The following MSI2 variants were observed in gnomAD, a reference collection of about 807,000 sequenced individuals.
MSI2 encodes musashi RNA binding protein 2, also known as RNA-binding protein Musashi homolog 2.
MSI2 carries 17 observed loss-of-function variants against 45.6 expected under a neutral mutation model. The observed-to-expected ratio is 0.37, with a 90% CI of 0.26 to 0.56. The LOEUF is 0.56. Among genes scored for constraint, MSI2 ranks in the 20% least tolerant of loss-of-function variants. The probability of loss-of-function intolerance (pLI) is 0.77; values close to 1 mark genes in which losing one functional copy is unlikely to be tolerated. For missense variants in MSI2, 293 were observed against 444.2 expected (o/e 0.66, Z 3.06); for synonymous variants, 156 against 158.2 (o/e 0.99, Z 0.11).
At chr17:57,651,041 T>C (rs915410224) in intron 10 of MSI2, among the ~76,000 whole-genome samples, 1 of 152,200 alleles carries the variant, frequency 6.6e-6, no homozygotes, top group Non-Finnish European at 1.5e-5. Context: ...TCCAAGCATC[T>C]GCCTGGATGG....
At position 57,334,310 on chromosome 17, in the gene MSI2, C is replaced by T. The variant is rs567445806; in HGVS notation, c.313-67069C>T. 3.3e-5 allele frequency among the ~76,000 whole-genome samples: 5 copies of T among 152,220 alleles called. No individual in the cohort carries two copies. The East Asian group carries it at 9.6e-4, about 29-fold the overall frequency. ...TGAGGGTTGGATGAAATGAAATAGC[C>T]CTTCAGGGTCCTCTGCCATCTGGGT... On this transcript the variant is annotated intron_variant, in intron 5 of 13. Transcript: ENST00000284073.
At position 57,410,007 on chromosome 17, in the gene MSI2, C is replaced by CAAAAAAAAAAAAAAAAAAAA. The variant is rs1960012378; in HGVS notation, c.405+8536_405+8537insAAAAAAAAAAAAAAAAAAAA. ...CGGGTGACAGTGTGAGACTCTGTCT[C>CAAAAAAAAAAAAAAAAAAAA]CAAAAAAAAAAAAAAAAATGGGGAG... On this transcript the variant is annotated intron_variant, in intron 6 of 13. Transcript: ENST00000284073. 4.2e-3 allele frequency among the ~76,000 whole-genome samples: 10 copies of CAAAAAAAAAAAAAAAAAAAA among 2,366 alleles called. 1 individual carries two copies. The highest frequency in any genetic ancestry group is 7.3e-3 in the African/African-American group (9 of 1,238). 1.6% of individuals were successfully genotyped at this position (2,366 alleles called of 152,430 possible).
chr17:57,418,901 G>A (rs980827009), intron 6 of MSI2, among the ~76,000 whole-genome samples: 4 of 152,108 alleles, frequency 2.6e-5, no homozygotes, highest in Admixed American at 1.3e-4. Context: ...TTAACACTTG[G>A]AAATTTTTAT....
At chr17:57,382,304 A>T (rs1198246398) in intron 5 of MSI2, among the ~76,000 whole-genome samples, 1 of 152,202 alleles carries the variant, frequency 6.6e-6, no homozygotes, top group Non-Finnish European at 1.5e-5. Context: ...GTGCTAGAAG[A>T]TGAGAGGCTG....
intron 6 of MSI2, among the ~76,000 whole-genome samples, chr17:57,517,089 C>T (rs1269466707): frequency 1.3e-5 from 2 of 152,306 alleles, no homozygotes; most frequent in Non-Finnish European, 2.9e-5. Flanking sequence ...AAGACAGTTT[C>T]GGAATTCAAA....
intron 6 of MSI2, among the ~76,000 whole-genome samples, chr17:57,477,609 A>G (rs962584528): frequency 6.6e-6 from 1 of 152,194 alleles, no homozygotes; most frequent in Admixed American, 6.5e-5. Flanking sequence ...TACAAAGCCT[A>G]CTGAGTGCTC....
rs1041399535 is a variant in MSI2 at position 57,529,262 on chromosome 17, C to A, written c.406-414C>A. Reference sequence around the variant, plus strand: ...ACCAGTCTGAGCAACATAGTGGGACCCTGTCTCTAAAAAAATAAAATAAAA... The same window carrying A: ...ACCAGTCTGAGCAACATAGTGGGACACTGTCTCTAAAAAAATAAAATAAAA... On this transcript the variant is annotated intron_variant, in intron 6 of 13. Coordinates refer to ENST00000284073, the MANE Select transcript of MSI2 (RefSeq NM_138962.4). This position sits in a 1 kb window ranked among gnomAD's most constrained non-coding sequence, Gnocchi z 5.3. Among the ~76,000 whole-genome samples, 1 of 151,944 alleles carries A rather than the reference C, an allele frequency of 6.6e-6. No individual in the cohort carries two copies. The highest frequency in any genetic ancestry group is 2.4e-5 in the African/African-American group (1 of 41,322).
rs539469971 is a variant in MSI2 at position 57,455,738 on chromosome 17, C to T, written c.405+54267C>T. Reference sequence around the variant, plus strand: ...ACTGTAGTTTTGAATTGTTGGCCTCCTGTCTGCATGCTCAGAGAAGCAGGG... The same window carrying T: ...ACTGTAGTTTTGAATTGTTGGCCTCTTGTCTGCATGCTCAGAGAAGCAGGG... On this transcript the variant is annotated intron_variant, in intron 6 of 13. Transcript: ENST00000284073. Among the ~76,000 whole-genome samples, 10 of 152,304 alleles carry T rather than the reference C, an allele frequency of 6.6e-5. No individual in the cohort carries two copies. The East Asian group carries it at 1.9e-3, about 29-fold the overall frequency.
rs144746119 is a variant in MSI2 at position 57,405,751 on chromosome 17, G to A, written c.405+4280G>A. ...CAGCTAGATGTAATTAATGACACTC[G>A]GAATTTTTGAGGTCCAGGTTTTACT... On this transcript the variant is annotated intron_variant, in intron 6 of 13. Transcript: ENST00000284073. Among the ~76,000 whole-genome samples the A allele has an allele frequency of 5.0e-3, 761 of 152,282 alleles. 6 individuals carry two copies. The highest frequency in any genetic ancestry group is 0.017 in the African/African-American group (716 of 41,554).
At chr17:57,303,333 A>T (rs755393805) in intron 5 of MSI2, among the ~76,000 whole-genome samples, 1 of 152,244 alleles carries the variant, frequency 6.6e-6, no homozygotes, top group Non-Finnish European at 1.5e-5. Context: ...ACAGCTCGAC[A>T]TATGCTGGGT....
chr17:57,330,838 G>A (rs1412245323), intron 5 of MSI2, among the ~76,000 whole-genome samples: 3 of 152,092 alleles, frequency 2.0e-5, no homozygotes, highest in African/African-American at 7.2e-5. Context: ...CCTTGAACAA[G>A]ACTTCAGTTT....
chr17:57,580,205 A>G (rs944781075), intron 7 of MSI2, among the ~76,000 whole-genome samples: 1 of 152,204 alleles, frequency 6.6e-6, no homozygotes, highest in Non-Finnish European at 1.5e-5. Flanking sequence ...TAGCAGGGTG[A>G]ACCCATTTAT....
At chr17:57,447,396 G>A (rs762213551) in intron 6 of MSI2, among the ~76,000 whole-genome samples, 19 of 152,222 alleles carry the variant, frequency 1.2e-4, no homozygotes, top group Non-Finnish European at 2.1e-4. Context: ...AAGCCACTGT[G>A]CCCAGCTTAA....
chr17:57,477,203 G>GTGTGT (rs2085558422), intron 6 of MSI2, among the ~76,000 whole-genome samples: 1 of 95,156 alleles, frequency 1.1e-5, no homozygotes. Context: ...TGTGTGTGTC[G>GTGTGT]GAGGGTGAGG....
In MSI2 at chr17:57,298,466, G is replaced by A. The variant is rs145125017; in HGVS notation, c.312+36274G>A. Reference sequence around the variant, plus strand: ...TGCACCTGTAATCCCAGCACTTTGCGAGGCCAAGGTGGGAGTTTGAGACCA... The same window carrying A: ...TGCACCTGTAATCCCAGCACTTTGCAAGGCCAAGGTGGGAGTTTGAGACCA... On this transcript the variant is annotated intron_variant, in intron 5 of 13. Transcript: ENST00000284073. Among the ~76,000 whole-genome samples the A allele has an allele frequency of 6.0e-3, 909 of 152,244 alleles. 9 individuals carry two copies. The highest frequency in any genetic ancestry group is 9.1e-3 in the Non-Finnish European group (617 of 68,018).
At chr17:57,654,105 G>A (rs17762121) in intron 11 of MSI2, among the ~76,000 whole-genome samples, 23,469 of 152,172 alleles carry the variant, frequency 0.15, 2,044 homozygotes, top group Non-Finnish European at 0.2. Flanking sequence ...CTGGGTTAGC[G>A]CAAGGAGTAA....
the MSI2 span, among the ~76,000 whole-genome samples, chr17:57,693,300 A>C: frequency 6.6e-6 from 1 of 151,974 alleles, no homozygotes; most frequent in African/African-American, 2.4e-5. Flanking sequence ...ATCCCACCTC[A>C]GCCTCCCGAG....
chr17:57,334,566 G>T (rs1221943359), intron 5 of MSI2, among the ~76,000 whole-genome samples: 4 of 152,180 alleles, frequency 2.6e-5, no homozygotes, highest in African/African-American at 4.8e-5. Flanking sequence ...AGCCGAGGTG[G>T]GAGGATCGCC....
rs1175364076 is a variant in MSI2, at chr17:57,673,970, A to T, written c.791-1002A>T. ...GTCTTTTTTTTTTTTAAACAAAAGG[A>T]AAAAAAGTTTAAATCCCCCCTTTCC... On this transcript the variant is annotated intron_variant, in intron 11 of 13. Transcript: ENST00000284073. 2.0e-5 allele frequency among the ~76,000 whole-genome samples: 3 copies of T among 151,676 alleles called. No individual in the cohort carries two copies. The East Asian group carries it at 5.8e-4, about 29-fold the overall frequency.
Sources: gnomAD v4.1 joint callset for allele counts (sites outside exome capture counted in the v4.1 genomes callset) on GRCh38, gnomAD v4.1.1 for gene constraint, Gnocchi (gnomAD v3.1) non-coding constraint, MANE v1.5 for transcripts, NCBI Gene and HGNC (gene_info 2026-07-23, HGNC 2026-07-21) for gene names.